The following RARB variants were observed in gnomAD, a reference collection of about 807,000 sequenced individuals.
The protein encoded by RARB is HBV-activated protein.
Under a neutral mutation model 51.9 loss-of-function variants are expected in RARB, and 17 were observed. The ratio of observed to expected loss-of-function variants is 0.33; its 90% CI spans 0.22 to 0.49. The LOEUF is 0.49. Among genes scored for constraint, RARB ranks in the 20% least tolerant of loss-of-function variants. The probability of loss-of-function intolerance (pLI) is 0.99; values close to 1 mark genes in which losing one functional copy is unlikely to be tolerated. For missense variants in RARB, 369 were observed against 550.8 expected (o/e 0.67, Z 3.30); for synonymous variants, 215 against 195.4 (o/e 1.10, Z -0.84).
intron 2 of RARB, among the ~76,000 whole-genome samples, chr3:24,953,249 C>T (rs1478065700): frequency 6.6e-6 from 1 of 151,978 alleles, no homozygotes; most frequent in Non-Finnish European, 1.5e-5. Context: ...TGATAAAAAT[C>T]CTTGGAAGTT....
chr3:25,434,922 C>T (rs909211482), intron 1 of RARB, among the ~76,000 whole-genome samples: 2 of 152,152 alleles, frequency 1.3e-5, no homozygotes, highest in African/African-American at 4.8e-5. Flanking sequence ...CATTTGCTAC[C>T]AGCCCTGAAA....
At chr3:25,012,112 A>G (rs1046082019) in intron 2 of RARB, among the ~76,000 whole-genome samples, 3 of 152,100 alleles carry the variant, frequency 2.0e-5, no homozygotes, top group African/African-American at 7.2e-5. Flanking sequence ...CATTTCAGAC[A>G]TGGACAGATT....
chr3:25,594,682 T>C lies in RARB; in HGVS notation c.1150+4T>C, dbSNP rs1001523061. 2 of 1,606,610 alleles carry C rather than the reference T, an allele frequency of 1.2e-6. No individual in the cohort carries two copies. Among genetic ancestry groups the C allele is most frequent in the Non-Finnish European group, 1.7e-6 (2 of 1,177,188 alleles). ...CTCCGTAGCATCAGTGCTAAAGGTA[T>C]GTCTTCGTGCTCTCAGTACTGTAGT... On this transcript the variant is annotated splice_donor_region_variant and intron_variant, in intron 7 of 7. Transcript: ENST00000330688.
chr3:25,226,976 A>G (rs533242376), intron 5 of RARB, among the ~76,000 whole-genome samples: 1 of 152,342 alleles, frequency 6.6e-6, no homozygotes, highest in South Asian at 2.1e-4. Flanking sequence ...ATAATTGTTT[A>G]TTTAATTAGA....
rs548300642 is a variant in RARB, at chr3:25,150,269, A to G, written c.-280+18061A>G. ...GCATGATGAAACAGAGCAAATGCTC[A>G]ATGGAGACTAGTTCATCTGACAAAC... is the stretch of plus-strand genomic sequence containing the variant. On this transcript the variant is annotated intron_variant, in intron 4 of 11. Transcript: ENST00000383772. 2.2e-4 allele frequency among the ~76,000 whole-genome samples: 33 copies of G among 152,332 alleles called. 1 individual carries two copies. The highest frequency in any genetic ancestry group is 1.3e-3 in the Admixed American group (20 of 15,302).
chr3:25,204,679 C>T (rs1310544205), intron 5 of RARB, among the ~76,000 whole-genome samples: 4 of 152,192 alleles, frequency 2.6e-5, no homozygotes, highest in African/African-American at 4.8e-5. Context: ...TTGGAGTTTG[C>T]TGGAGGTTCA....
At chr3:25,161,548 C>A (rs1700473299) in intron 4 of RARB, among the ~76,000 whole-genome samples, 1 of 152,122 alleles carries the variant, frequency 6.6e-6, no homozygotes, top group Non-Finnish European at 1.5e-5. Flanking sequence ...TTCTGCTTCT[C>A]CATACTTTCA....
At chr3:25,557,232 G>C (rs893053495) in intron 3 of RARB, among the ~76,000 whole-genome samples, 1 of 151,876 alleles carries the variant, frequency 6.6e-6, no homozygotes, top group Non-Finnish European at 1.5e-5. Context: ...GTCTACATCA[G>C]CATCTGTTGC....
chr3:25,333,214 G>A (rs1223520214), intron 5 of RARB, among the ~76,000 whole-genome samples: 3 of 151,962 alleles, frequency 2.0e-5, no homozygotes, highest in South Asian at 2.1e-4. Context: ...AGCCCGCATT[G>A]CCAAGTCAAT....
chr3:25,328,291 G>A (rs1028448545), intron 5 of RARB, among the ~76,000 whole-genome samples: 3 of 152,206 alleles, frequency 2.0e-5, no homozygotes, highest in African/African-American at 7.2e-5. Context: ...AGACTGAGAC[G>A]GGCGGATCAC....
At chr3:25,533,932 T>C (rs1300022959) in intron 3 of RARB, among the ~76,000 whole-genome samples, 1 of 152,186 alleles carries the variant, frequency 6.6e-6, no homozygotes, top group Middle Eastern at 3.2e-3. Context: ...TGAGACTCAT[T>C]CCTGTTGAAA....
intron 1 of RARB, among the ~76,000 whole-genome samples, chr3:25,460,673 C>G (rs1575425293): frequency 6.6e-6 from 1 of 152,172 alleles, no homozygotes; most frequent in African/African-American, 2.4e-5. Flanking sequence ...GTCTCAAACT[C>G]CTGACCTCAG....
At chr3:25,222,588 G>A (rs1020486904) in intron 5 of RARB, among the ~76,000 whole-genome samples, 3 of 152,068 alleles carry the variant, frequency 2.0e-5, no homozygotes, top group Admixed American at 2.0e-4. Context: ...GGCTAATAGA[G>A]TTGGTATAAT....
intron 2 of RARB, among the ~76,000 whole-genome samples, chr3:24,905,730 T>TG (rs36038153): frequency 6.6e-6 from 1 of 152,210 alleles, no homozygotes; most frequent in South Asian, 2.1e-4. Context: ...TAGATATAAC[T>TG]GGGGCCTGGG....
intron 3 of RARB, among the ~76,000 whole-genome samples, chr3:25,121,235 A>G (rs1380121418): frequency 6.6e-6 from 1 of 152,150 alleles, no homozygotes; most frequent in Non-Finnish European, 1.5e-5. Flanking sequence ...TTCAGGCATG[A>G]CATGTTTGGA....
intron 5 of RARB, among the ~76,000 whole-genome samples, chr3:25,178,514 A>G (rs2125355817): frequency 6.6e-6 from 1 of 152,166 alleles, no homozygotes; most frequent in Non-Finnish European, 1.5e-5. Context: ...TTGGAGTCAA[A>G]TTCCAAATCC....
intron 3 of RARB, among the ~76,000 whole-genome samples, chr3:25,558,299 A>T (rs1034970615): frequency 6.6e-6 from 1 of 152,158 alleles, no homozygotes; most frequent in Non-Finnish European, 1.5e-5. Flanking sequence ...TTCTCTCGAA[A>T]GTCACAACTT....
At chr3:25,284,811 C>T (rs142006212) in intron 5 of RARB, among the ~76,000 whole-genome samples, 6 of 152,280 alleles carry the variant, frequency 3.9e-5, no homozygotes, top group East Asian at 3.9e-4. Flanking sequence ...ACAGTATTCA[C>T]GGGATGCCAA....
chr3:25,313,894 A>G (rs575757817), intron 5 of RARB, among the ~76,000 whole-genome samples: 1 of 152,082 alleles, frequency 6.6e-6, no homozygotes, highest in Non-Finnish European at 1.5e-5. Context: ...ACGTAGTGAG[A>G]CCTCATCTCT....
Sources: gnomAD v4.1 joint callset for allele counts (sites outside exome capture counted in the v4.1 genomes callset) on GRCh38, gnomAD v4.1.1 for gene constraint, MANE v1.5 for transcripts, NCBI Gene and HGNC (gene_info 2026-07-23, HGNC 2026-07-21) for gene names.